Variants in ZFAT observed in about 807,000 individuals in gnomAD.
The protein encoded by ZFAT is zinc finger and AT-hook domain containing, also known as zinc finger protein ZFAT.
ZFAT carries 64 observed loss-of-function variants against 117.7 expected under a neutral mutation model. That is an observed-to-expected ratio of 0.54 (90% CI 0.44 to 0.67). ZFAT has a LOEUF of 0.67. ZFAT is among the 30% of genes least tolerant of loss of function. ZFAT has a pLI of 0.00. For synonymous variants in ZFAT, 679 were observed against 615.0 expected (o/e 1.10, Z -1.54); for missense variants, 1,433 against 1,584.5 (o/e 0.90, Z 1.62).
intron 15 of ZFAT, among the ~76,000 whole-genome samples, chr8:134,505,097 T>C (rs1283149172): frequency 1.3e-5 from 2 of 152,220 alleles, no homozygotes; most frequent in Non-Finnish European, 2.9e-5. Flanking sequence ...CCAGTTCTGA[T>C]TGTTCTTTTT....
intron 1 of ZFAT, among the ~76,000 whole-genome samples, chr8:134,677,459 C>T (rs1278741787): frequency 6.6e-6 from 1 of 152,036 alleles, no homozygotes; most frequent in Non-Finnish European, 1.5e-5. Flanking sequence ...GAATAGCCTA[C>T]CAACCAAAAA....
intron 15 of ZFAT, among the ~76,000 whole-genome samples, chr8:134,494,940 AG>A (rs1263542138): frequency 6.6e-6 from 1 of 152,184 alleles, no homozygotes; most frequent in Non-Finnish European, 1.5e-5. Flanking sequence ...GAAAGACACC[AG>A]CTCCTGCTCT....
chr8:134,581,397 A>C (rs767157105), intron 10 of ZFAT, among the ~76,000 whole-genome samples: 2 of 152,182 alleles, frequency 1.3e-5, no homozygotes, highest in African/African-American at 2.4e-5. Flanking sequence ...CTTTTGCTCT[A>C]CTTTACCCCT....
At chr8:134,706,646 C>A (rs866659600) in intron 1 of ZFAT, among the ~76,000 whole-genome samples, 1 of 152,018 alleles carries the variant, frequency 6.6e-6, no homozygotes, top group Non-Finnish European at 1.5e-5. Context: ...GAGCCGAGAT[C>A]GTGCCATTGC....
the ZFAT span, among the ~76,000 whole-genome samples, chr8:134,812,687 G>A: frequency 6.6e-6 from 1 of 152,184 alleles, no homozygotes; most frequent in Non-Finnish European, 1.5e-5. Flanking sequence ...AGTGAGCCAA[G>A]ATTATGCCAC....
the ZFAT span, among the ~76,000 whole-genome samples, chr8:134,752,141 T>C: frequency 2.0e-5 from 3 of 152,210 alleles, no homozygotes; most frequent in African/African-American, 7.2e-5. Context: ...CAGGCCTTCA[T>C]CACTGCTCAC....
chr8:134,693,559 T>C (rs1350388625), intron 1 of ZFAT, among the ~76,000 whole-genome samples: 2 of 138,132 alleles, frequency 1.4e-5, no homozygotes, highest in Non-Finnish European at 3.0e-5. Flanking sequence ...CATGCCTGTA[T>C]CAAAGCATCA....
intron 3 of ZFAT, among the ~76,000 whole-genome samples, chr8:134,628,277 A>G (rs1485770706): frequency 1.3e-5 from 2 of 152,216 alleles, no homozygotes; most frequent in Non-Finnish European, 2.9e-5. Context: ...AAAGAATGAC[A>G]TGTACAAGAG....
chr8:134,538,152 G>A (rs538614136), intron 11 of ZFAT, among the ~76,000 whole-genome samples: 9 of 152,212 alleles, frequency 5.9e-5, no homozygotes, highest in Non-Finnish European at 1.2e-4. Context: ...CAGCTCCCTG[G>A]AACACAGGAG....
chr8:134,638,999 T>C (rs912156026), intron 2 of ZFAT, among the ~76,000 whole-genome samples: 3 of 152,310 alleles, frequency 2.0e-5, no homozygotes, highest in African/African-American at 7.2e-5. Flanking sequence ...TACACGTGCA[T>C]CTGTAGAATG....
Position 134,644,428 on chromosome 8 carries a change from A to G in ZFAT, c.197-6716T>C, listed in dbSNP as rs187346639. Among the ~76,000 whole-genome samples, 270 of 151,960 alleles carry G rather than the reference A, an allele frequency of 1.8e-3. 2 individuals are homozygous for G. The highest frequency in any genetic ancestry group is 6.0e-3 in the African/African-American group (251 of 41,538). On this transcript the variant is annotated intron_variant, in intron 2 of 15. Transcript: ENST00000377838. ...AGGATAAATGAATGCATGCGTGTGC[A>G]CACACACTCTCACACACACATGCTC...
the ZFAT span, among the ~76,000 whole-genome samples, chr8:134,731,740 T>C: frequency 6.6e-6 from 1 of 152,234 alleles, no homozygotes; most frequent in African/African-American, 2.4e-5. Flanking sequence ...AGGGCAGTTA[T>C]TGGCCTGTGT....
chr8:134,798,659 G>A, the ZFAT span, among the ~76,000 whole-genome samples: 99 of 152,120 alleles, frequency 6.5e-4, no homozygotes, highest in African/African-American at 2.4e-3. Context: ...TAGCCCACAT[G>A]ATCAAAGACC....
At position 134,607,915 on chromosome 8, in the gene ZFAT, C is replaced by T. The variant is rs572551110; in HGVS notation, c.785+814G>A. Among the ~76,000 whole-genome samples the T allele has an allele frequency of 2.0e-5, 3 of 152,312 alleles. No individual in the cohort carries two copies. In the East Asian group the frequency reaches 5.8e-4, roughly 29 times the overall value. ...GTATCTGGAGGACAGTTTTTAATGT[C>T]AGTTAAGCACTAGGCACTCATATCC... is the stretch of plus-strand genomic sequence containing the variant. On this transcript the variant is annotated intron_variant, in intron 5 of 15. Coordinates refer to ENST00000377838, the MANE Select transcript of ZFAT (RefSeq NM_020863.4).
At chr8:134,667,090 C>T (rs572497123) in intron 1 of ZFAT, among the ~76,000 whole-genome samples, 1 of 152,236 alleles carries the variant, frequency 6.6e-6, no homozygotes, top group Admixed American at 6.5e-5. Flanking sequence ...ACAATGAGAA[C>T]TCATGGACAT....
the ZFAT span, among the ~76,000 whole-genome samples, chr8:134,832,320 G>A: frequency 6.6e-6 from 1 of 151,744 alleles, no homozygotes; most frequent in Non-Finnish European, 1.5e-5. Flanking sequence ...GGCTGTGCGC[G>A]CGCGTGTACA....
intron 11 of ZFAT, among the ~76,000 whole-genome samples, chr8:134,551,771 A>G (rs1823185686): frequency 6.6e-6 from 1 of 152,224 alleles, no homozygotes; most frequent in African/African-American, 2.4e-5. Flanking sequence ...TGTTCAACTG[A>G]GTACCCAAGC....
At chr8:134,655,664 A>C (rs1416423396) in intron 2 of ZFAT, among the ~76,000 whole-genome samples, 5 of 152,286 alleles carry the variant, frequency 3.3e-5, no homozygotes, top group African/African-American at 9.6e-5. Context: ...AAAATGAAAA[A>C]AATAAAAATT....
At chr8:134,674,734 T>C (rs957609611) in intron 1 of ZFAT, 5 of 266,390 alleles carry the variant, frequency 1.9e-5, no homozygotes, top group Non-Finnish European at 3.7e-5. Context: ...AGACACCTCA[T>C]ACAGGAGAGC....
Sources: allele counts gnomAD v4.1 joint callset (sites outside exome capture counted in the v4.1 genomes callset), GRCh38; gene constraint gnomAD v4.1.1; transcripts MANE v1.5; gene names NCBI Gene and HGNC (gene_info 2026-07-23, HGNC 2026-07-21).